The following SLIT3 variants were observed in gnomAD, a reference collection of about 807,000 sequenced individuals.
SLIT3 encodes the protein slit homolog 3 protein.
In SLIT3, 68 loss-of-function variants were observed where a neutral mutation model predicts 184.0. That is an observed-to-expected ratio of 0.37 (90% CI 0.30 to 0.45). The LOEUF (loss-of-function observed/expected upper bound fraction) is 0.45, where lower values mean the gene tolerates loss of function less well. SLIT3 is among the 20% of genes least tolerant of loss of function. The pLI, the probability that SLIT3 is intolerant of heterozygous loss-of-function variation, is 1.00. For missense variants in SLIT3, 1,707 were observed against 2,026.0 expected, an observed-to-expected ratio of 0.84 and a Z score of 3.02; for synonymous variants, 831 against 828.6, an observed-to-expected ratio of 1.00 and a Z score of -0.05.
At chr5:169,142,203 C>T (rs1761772326) in intron 4 of SLIT3, among the ~76,000 whole-genome samples, 1 of 152,080 alleles carries the variant, frequency 6.6e-6, no homozygotes, top group South Asian at 2.1e-4. Context: ...TAAAACTTAA[C>T]CAGTTAACTT....
chr5:169,203,977 G>T (rs547737625), intron 3 of SLIT3, among the ~76,000 whole-genome samples: 3 of 152,278 alleles, frequency 2.0e-5, no homozygotes, highest in Non-Finnish European at 4.4e-5. Context: ...GGCACTCAGG[G>T]ATAAGACCAA....
Position 168,748,454 on chromosome 5 carries a change from G to A in SLIT3, c.2138-20C>T, listed in dbSNP as rs758347656. The A allele has an allele frequency of 6.6e-7, 1 of 1,513,916 alleles. No homozygotes were observed. Among genetic ancestry groups the A allele is most frequent in the Non-Finnish European group, 8.7e-7 (1 of 1,146,272 alleles). The allele number at this position is 1,513,916 out of a possible 1,614,324, so 93.8% of individuals were successfully genotyped here. A position where few individuals can be genotyped will look rare whatever the true frequency, so the allele number is the denominator to read the frequency against. On this transcript the variant is annotated intron_variant, in intron 19 of 35. Transcript: ENST00000519560. ...CGTTGCCTGTGGAGAGCCCCAGAGAGGGTGAGGGTTGTGGGAGATAAGCCC... is the reference window on the plus strand; with the variant it reads ...CGTTGCCTGTGGAGAGCCCCAGAGAAGGTGAGGGTTGTGGGAGATAAGCCC...
chr5:168,920,279 C>A (rs567101747), intron 4 of SLIT3, among the ~76,000 whole-genome samples: 1 of 152,242 alleles, frequency 6.6e-6, no homozygotes, highest in South Asian at 2.1e-4. Flanking sequence ...TTTTGGGAGT[C>A]AAGATTTTTA....
At chr5:168,932,288 A>G (rs1484040224) in intron 4 of SLIT3, among the ~76,000 whole-genome samples, 1 of 140,288 alleles carries the variant, frequency 7.1e-6, no homozygotes, top group Non-Finnish European at 1.5e-5. Context: ...ACAAGGCACT[A>G]TATATTTCAA....
At chr5:168,915,025 A>C (rs796858433) in intron 4 of SLIT3, among the ~76,000 whole-genome samples, 4 of 152,302 alleles carry the variant, frequency 2.6e-5, no homozygotes, top group African/African-American at 9.6e-5. Flanking sequence ...AATACTCTAA[A>C]TGTGAAAGCA....
intron 20 of SLIT3, among the ~76,000 whole-genome samples, chr5:168,744,146 G>A (rs930992269): frequency 3.3e-5 from 5 of 152,192 alleles, no homozygotes; most frequent in Middle Eastern, 3.4e-3. Flanking sequence ...AAAATTAGCC[G>A]GGCGTGGTGG....
At chr5:168,737,019 T>G (rs957587262) in intron 20 of SLIT3, among the ~76,000 whole-genome samples, 3 of 152,200 alleles carry the variant, frequency 2.0e-5, no homozygotes, top group Admixed American at 1.3e-4. Flanking sequence ...AGCACAGCAC[T>G]TGGTACACAG....
intron 5 of SLIT3, among the ~76,000 whole-genome samples, chr5:168,854,466 T>C (rs1171347962): frequency 6.6e-6 from 1 of 152,206 alleles, no homozygotes; most frequent in East Asian, 1.9e-4. Context: ...GAATGGTAAC[T>C]GATTTTAGCT....
intron 31 of SLIT3, among the ~76,000 whole-genome samples, chr5:168,685,194 C>T (rs1761707362): frequency 6.6e-6 from 1 of 152,180 alleles, no homozygotes; most frequent in Non-Finnish European, 1.5e-5. Context: ...AGTGATCCAC[C>T]CACCTCAGCC....
chr5:169,215,351 A>T (rs1764400927), intron 3 of SLIT3, among the ~76,000 whole-genome samples: 1 of 152,188 alleles, frequency 6.6e-6, no homozygotes, highest in Non-Finnish European at 1.5e-5. Context: ...CATTCTAGGA[A>T]GTCTGTCTGA....
At chr5:168,823,862 C>G (rs1244679525) in intron 6 of SLIT3, among the ~76,000 whole-genome samples, 1 of 152,226 alleles carries the variant, frequency 6.6e-6, no homozygotes, top group African/African-American at 2.4e-5. Flanking sequence ...CTCCTTGATA[C>G]TCCCATTGCA....
intron 10 of SLIT3, among the ~76,000 whole-genome samples, chr5:168,794,801 TA>T (rs2113601523): frequency 6.6e-6 from 1 of 152,280 alleles, no homozygotes; most frequent in African/African-American, 2.4e-5. Context: ...ACATGCTCCC[TA>T]AGGCCTTTCA....
chr5:168,728,405 A>T (rs935547693), intron 20 of SLIT3, among the ~76,000 whole-genome samples: 1 of 152,020 alleles, frequency 6.6e-6, no homozygotes, highest in Non-Finnish European at 1.5e-5. Context: ...GGAAACATGA[A>T]ACAGCAGGGA....
chr5:169,196,348 G>A (rs1209432700), intron 3 of SLIT3, among the ~76,000 whole-genome samples: 4 of 152,248 alleles, frequency 2.6e-5, no homozygotes, highest in Non-Finnish European at 5.9e-5. Flanking sequence ...TCTTGCTGTG[G>A]GATCTGAAGC....
At chr5:168,909,336 C>T (rs896170826) in intron 4 of SLIT3, among the ~76,000 whole-genome samples, 3 of 152,196 alleles carry the variant, frequency 2.0e-5, no homozygotes, top group East Asian at 1.9e-4. Context: ...GAAATTCACA[C>T]AAACATCTAT....
chr5:169,181,609 C>G (rs368902559), intron 4 of SLIT3, among the ~76,000 whole-genome samples: 2 of 151,846 alleles, frequency 1.3e-5, no homozygotes, highest in Non-Finnish European at 2.9e-5. Flanking sequence ...GGTGTGGTGG[C>G]GCGTACCTGT....
intron 5 of SLIT3, among the ~76,000 whole-genome samples, chr5:168,850,799 C>T (rs538218162): frequency 1.2e-3 from 190 of 152,326 alleles, no homozygotes; most frequent in Middle Eastern, 3.4e-3. Context: ...ATAACTGCAT[C>T]CACTCCAGTA....
intron 4 of SLIT3, among the ~76,000 whole-genome samples, chr5:169,192,355 C>A (rs1218547216): frequency 6.6e-6 from 1 of 152,058 alleles, no homozygotes; most frequent in Non-Finnish European, 1.5e-5. Flanking sequence ...GATTGGAATA[C>A]CAGCCAACCC....
chr5:169,206,692 C>G (rs297862), intron 3 of SLIT3, among the ~76,000 whole-genome samples: 96,739 of 152,082 alleles, frequency 0.64, 31,154 homozygotes, highest in East Asian at 0.79. Context: ...TGCAAGATCT[C>G]TTAATGATGG....
Sources: allele counts gnomAD v4.1 joint callset (sites outside exome capture counted in the v4.1 genomes callset), GRCh38; gene constraint gnomAD v4.1.1; transcripts MANE v1.5; gene names NCBI Gene and HGNC (gene_info 2026-07-23, HGNC 2026-07-21).